Variants in AGXT observed in about 807,000 individuals in gnomAD.
AGXT encodes alanine--glyoxylate aminotransferase.
Under a neutral mutation model 46.9 loss-of-function variants are expected in AGXT, and 41 were observed. That is an observed-to-expected ratio of 0.88 (90% confidence interval 0.68 to 1.14). The LOEUF (loss-of-function observed/expected upper bound fraction) is 1.14. AGXT is among the 50% of genes most tolerant of loss of function. The pLI, the probability that AGXT is intolerant of heterozygous loss-of-function variation, is 0.00. For missense variants in AGXT, 525 were observed against 522.7 expected (o/e 1.00, Z -0.04); for synonymous variants, 244 against 227.9 (o/e 1.07, Z -0.64).
Position 240,873,069 on chromosome 2 carries a change from G to C in AGXT, c.595+20G>C. On this transcript the variant is annotated intron_variant, in intron 5 of 10. Transcript: ENST00000307503. ...GGCAAGGTAAGGGTGGGCTCTGAGA[G>C]CCCTACCCAGCCCAAGCAGCCTTGG... 6.2e-7 allele frequency: 1 copy of C among 1,607,092 alleles called. No homozygotes were observed. Among genetic ancestry groups the C allele is most frequent in the African/African-American group, 1.3e-5 (1 of 74,944 alleles).
At position 240,870,668 on chromosome 2, in the gene AGXT, A is replaced by G; in HGVS notation, c.383A>G (p.Lys128Arg). Residue 128 changes from lysine to arginine, a missense_variant, in exon 3 of 11, where the codon AAG becomes AGG. Coordinates refer to ENST00000307503, the MANE Select transcript of AGXT (RefSeq NM_000030.3). ...GGAGCCCGAGTGCACCCGATGACCA[A>G]GGACCCTGGAGGCCACTACACACTG... ...RIGARVHPMTKDPGGHYTLQE... is the reference protein window; with the variant it reads ...RIGARVHPMTRDPGGHYTLQE... 3 of 1,555,380 alleles carry G rather than the reference A, an allele frequency of 1.9e-6. No homozygotes were observed. In the South Asian group the frequency reaches 3.6e-5, roughly 18 times the overall value.
intron 6 of AGXT, among the ~76,000 whole-genome samples, chr2:240,874,832 G>C (rs2059014433): frequency 6.6e-6 from 1 of 152,256 alleles, no homozygotes; most frequent in African/African-American, 2.4e-5. Context: ...AGGAGGGGCT[G>C]GGGGAGAGAA....
chr2:240,872,947 G>A, intron 4 of AGXT, 32 bp from the exon 5 acceptor site: 1 of 1,602,560 alleles, frequency 6.2e-7, no homozygotes, highest in East Asian at 2.2e-5. Context: ...TGCCTCACCT[G>A]CTGCCCTCCA....
At position 240,880,203 on chromosome 2, in the gene AGXT, G is replaced by A. The variant is rs1248187557; in HGVS notation, c.*1382G>A. Reference sequence around the variant, plus strand: ...GCTTAACCTTATACGAGACTGCCACGAAATTCTCCGAAGTGGCTCTTCCAT... The same window carrying A: ...GCTTAACCTTATACGAGACTGCCACAAAATTCTCCGAAGTGGCTCTTCCAT... On this transcript the variant is annotated 3_prime_UTR_variant, in exon 11 of 11. Coordinates refer to ENST00000307503, the MANE Select transcript of AGXT (RefSeq NM_000030.3). 6.6e-6 allele frequency: 1 copy of A among 152,172 alleles called. No individual in the cohort carries two copies. The highest frequency in any genetic ancestry group is 1.5e-5 in the Non-Finnish European group (1 of 68,044). The allele number at this position is 152,172 out of a possible 1,614,324, so 9.4% of individuals were successfully genotyped here.
At chr2:240,869,086 A>G in intron 1 of AGXT, 56 bp downstream of exon 1, 2 of 1,611,652 alleles carry the variant, frequency 1.2e-6, no homozygotes, top group Non-Finnish European at 1.7e-6. Flanking sequence ...CCACCCACAG[A>G]TCGTGGACGA....
At chr2:240,876,722 G>A (rs1056956996) in intron 8 of AGXT, among the ~76,000 whole-genome samples, 2 of 152,236 alleles carry the variant, frequency 1.3e-5, no homozygotes, top group Non-Finnish European at 2.9e-5. Flanking sequence ...CACTGCCTAG[G>A]GCTGGGTTAG....
intron 1 of AGXT, 23 bp downstream of exon 1, chr2:240,869,053 G>C (rs748947228): frequency 3.1e-6 from 5 of 1,611,452 alleles, no homozygotes; most frequent in Middle Eastern, 1.7e-4. Flanking sequence ...GTCACTCGGG[G>C]GGCCTGGGTC....
chr2:240,874,643 C>A (rs974473219), intron 6 of AGXT, among the ~76,000 whole-genome samples: 6 of 152,224 alleles, frequency 3.9e-5, no homozygotes, highest in African/African-American at 1.4e-4. Context: ...AGCTGGACCA[C>A]ACGGGAGGGT....
intron 10 of AGXT, among the ~76,000 whole-genome samples, 172 bp downstream of exon 10, chr2:240,878,322 C>T (rs2059039428): frequency 6.6e-6 from 1 of 152,198 alleles, no homozygotes. Flanking sequence ...TATCCTGTCG[C>T]CCCTGCTCCC....
At position 240,871,516 on chromosome 2, in the gene AGXT, A is replaced by G. The variant is rs369031110; in HGVS notation, c.524+67A>G. The G allele has an allele frequency of 1.3e-5, 18 of 1,431,062 alleles. No individual in the cohort carries two copies. In the East Asian group the frequency reaches 4.2e-4, roughly 33 times the overall value. 88.6% of individuals were successfully genotyped at this position (1,431,062 alleles called of 1,614,324 possible). On this transcript the variant is annotated intron_variant, in intron 4 of 10. Transcript: ENST00000307503. ...AGCCAGGCTATGGGGAGGGGTGGGC[A>G]CTGGTCCCTCTGGTCCTTCTGCCCC...
At chr2:240,872,676 C>T (rs1183803544) in intron 4 of AGXT, among the ~76,000 whole-genome samples, 1 of 152,034 alleles carries the variant, frequency 6.6e-6, no homozygotes. Flanking sequence ...ACAGACTGCC[C>T]GGCTGACCCT....
At chr2:240,873,771 G>A (rs1459397472) in intron 5 of AGXT, among the ~76,000 whole-genome samples, 4 of 152,184 alleles carry the variant, frequency 2.6e-5, no homozygotes, top group Non-Finnish European at 2.9e-5. Context: ...GAGAAGCTGC[G>A]CTAAAACGCT....
chr2:240,870,846 G>A, intron 3 of AGXT, 138 bp downstream of exon 3: 3 of 819,222 alleles, frequency 3.7e-6, no homozygotes, highest in Non-Finnish European at 5.9e-6. Context: ...GCCCATCCTA[G>A]CATCTGGTGA....
chr2:240,869,163 C>T lies in AGXT; in HGVS notation c.166-7C>T. On this transcript the variant is annotated splice_polypyrimidine_tract_variant and splice_region_variant and intron_variant, in intron 1 of 10. Coordinates refer to ENST00000307503, the MANE Select transcript of AGXT (RefSeq NM_000030.3). ...CCTGGGTCTCACCCTATACCACCCG[C>T]ATGCAGATCATGGACGAGATCAAGG... 6.2e-7 allele frequency: 1 copy of T among 1,612,622 alleles called. No individual in the cohort carries two copies.
chr2:240,870,649 C>A lies in AGXT; in HGVS notation c.364C>A (p.Arg122=). ...AVDIGERIGA[R]VHPMTKDPGG... ...CCACTCTGTCCTGCACCCAGGAGCC[C>A]GAGTGCACCCGATGACCAAGGACCC... Residue 122 remains arginine (R), a synonymous_variant, in exon 3 of 11, where the codon CGA becomes AGA. Coordinates refer to ENST00000307503, the MANE Select transcript of AGXT (RefSeq NM_000030.3). 1 of 1,552,634 alleles carries A rather than the reference C, an allele frequency of 6.4e-7. No homozygotes were observed. Among genetic ancestry groups the A allele is most frequent in the South Asian group, 1.2e-5 (1 of 84,190 alleles).
intron 2 of AGXT, among the ~76,000 whole-genome samples, chr2:240,870,064 G>A (rs1181562749): frequency 1.3e-5 from 2 of 152,164 alleles, no homozygotes; most frequent in African/African-American, 4.8e-5. Context: ...AGATGCCTGT[G>A]GTATATGGCT....
intron 7 of AGXT, 31 bp from the exon 8 acceptor site, chr2:240,875,904 G>A (rs1477027343): frequency 5.6e-6 from 9 of 1,612,752 alleles, no homozygotes; most frequent in Admixed American, 3.3e-5. Flanking sequence ...CCTGCCCATG[G>A]TGCTGGACCA....
chr2:240,877,555 C>CGCCAGCACCGCGAG lies in AGXT; in HGVS notation c.869_882dup (p.Ala295SerfsTer22). On this transcript the variant is annotated frameshift_variant, in exon 9 of 11. Coordinates refer to ENST00000307503, the MANE Select transcript of AGXT (RefSeq NM_000030.3). LOFTEE classifies it high-confidence loss of function. ...CACACAGGGCCTGGAGAACAGCTGGCGCCAGCACCGCGAGGCCGCGGCGTA... is the reference window on the plus strand; with the variant it reads ...CACACAGGGCCTGGAGAACAGCTGGCGCCAGCACCGCGAGGCCAGCACCGCGAGGCCGCGGCGTA... 6.5e-7 allele frequency: 1 copy of CGCCAGCACCGCGAG among 1,549,708 alleles called. No individual in the cohort carries two copies. The highest frequency in any genetic ancestry group is 1.2e-5 in the South Asian group (1 of 83,900).
At chr2:240,869,402 C>A (rs755578184) in intron 2 of AGXT, 40 bp downstream of exon 2, 4 of 1,509,246 alleles carry the variant, frequency 2.7e-6, no homozygotes, top group Admixed American at 2.1e-5. Flanking sequence ...CTGGATCCAT[C>A]CTTCAAGGCC....
Sources: gnomAD v4.1 joint callset for allele counts (sites outside exome capture counted in the v4.1 genomes callset) on GRCh38, gnomAD v4.1.1 for gene constraint, MANE v1.5 for transcripts, NCBI Gene and HGNC (gene_info 2026-07-23, HGNC 2026-07-21) for gene names.